KPNA6: variants seen among roughly 807,000 people sequenced by gnomAD.
KPNA6 encodes karyopherin subunit alpha 6, also known as importin subunit alpha-7.
A neutral mutation model predicts 72.0 loss-of-function variants in KPNA6; 9 were observed. That is an observed-to-expected ratio of 0.13 (90% CI 0.08 to 0.22). The LOEUF (loss-of-function observed/expected upper bound fraction) is 0.22, where lower values mean the gene tolerates loss of function less well. KPNA6 is among the 10% of genes least tolerant of loss of function. The pLI, the probability that KPNA6 is intolerant of heterozygous loss-of-function variation, is 1.00. For synonymous variants in KPNA6, 219 were observed against 242.1 expected (o/e 0.90, Z 0.89); for missense variants, 374 against 655.7 (o/e 0.57, Z 4.69).
chr1:32,148,993 T>C (rs1162684368), intron 1 of KPNA6, among the ~76,000 whole-genome samples: 1 of 152,104 alleles, frequency 6.6e-6, no homozygotes, highest in Non-Finnish European at 1.5e-5. Context: ...GTGCCGGCCA[T>C]ATTGGTCCTT....
chr1:32,148,541 TGTG>T (rs1201236343), intron 1 of KPNA6, among the ~76,000 whole-genome samples: 2 of 151,688 alleles, frequency 1.3e-5, no homozygotes, highest in African/African-American at 2.4e-5. Flanking sequence ...ACTCCCATAA[TGTG>T]GTGTATATTG....
At chr1:32,168,036 C>T (rs1360233256) in intron 12 of KPNA6, among the ~76,000 whole-genome samples, 3 of 152,012 alleles carry the variant, frequency 2.0e-5, no homozygotes, top group African/African-American at 4.8e-5. Context: ...GTTGTAGTGG[C>T]GTGTGCCCGT....
chr1:32,119,026 ATATATAT>A (rs1204650925), intron 1 of KPNA6, among the ~76,000 whole-genome samples: 2 of 69,414 alleles, frequency 2.9e-5, no homozygotes, highest in African/African-American at 1.7e-4. Context: ...ATATATATAT[ATATATAT>A]TTTTTTTTTT....
intron 11 of KPNA6, 101 bp downstream of exon 11, chr1:32,166,331 A>G: frequency 7.2e-7 from 1 of 1,398,100 alleles, no homozygotes; most frequent in South Asian, 1.4e-5. Flanking sequence ...TCCCTTTAAA[A>G]ATAGGAGTCA....
At chr1:32,147,609 C>G (rs982476140) in intron 1 of KPNA6, among the ~76,000 whole-genome samples, 1 of 144,010 alleles carries the variant, frequency 6.9e-6, no homozygotes, top group Admixed American at 7.0e-5. Context: ...CTTTTCGGCA[C>G]TTTCTTATTC....
At chr1:32,108,506 C>T (rs1009849962) in intron 1 of KPNA6, among the ~76,000 whole-genome samples, 1 of 152,218 alleles carries the variant, frequency 6.6e-6, no homozygotes, top group Non-Finnish European at 1.5e-5. Flanking sequence ...TAGCTTTCTC[C>T]TGGGTTGTGT....
At chr1:32,150,714 C>T (rs1475983368) in intron 1 of KPNA6, among the ~76,000 whole-genome samples, 1 of 151,988 alleles carries the variant, frequency 6.6e-6, no homozygotes. Flanking sequence ...GCAACTTCCA[C>T]CTCCCTGGTT....
chr1:32,168,408 T>A (rs1642377225), intron 12 of KPNA6, among the ~76,000 whole-genome samples: 1 of 152,200 alleles, frequency 6.6e-6, no homozygotes, highest in Admixed American at 6.5e-5. Flanking sequence ...CAGGCTGGTC[T>A]TGAACTCCTG....
intron 10 of KPNA6, among the ~76,000 whole-genome samples, chr1:32,163,635 A>C (rs1358283216): frequency 6.6e-6 from 1 of 152,204 alleles, no homozygotes; most frequent in Non-Finnish European, 1.5e-5. Context: ...CCTTTGAGAT[A>C]CTGAAAGCTA....
rs1364155375 is a variant in KPNA6, at chr1:32,172,222, C to T, written c.*1328C>T. The stretch of plus-strand genomic sequence containing the variant: ...GGTCCTTTTCCTCTCTGCTTGGATT[C>T]TGGACCACCACCTGGGACCAACCTT... On this transcript the variant is annotated 3_prime_UTR_variant, in exon 14 of 14. Coordinates refer to ENST00000373625, the MANE Select transcript of KPNA6 (RefSeq NM_012316.5). 6.6e-6 allele frequency: 1 copy of T among 152,080 alleles called. No homozygotes were observed. The highest frequency in any genetic ancestry group is 1.5e-5 in the Non-Finnish European group (1 of 68,024). The allele number at this position is 152,080 out of a possible 1,614,324, so 9.4% of individuals were successfully genotyped here. A position where few individuals can be genotyped will look rare whatever the true frequency, so the allele number is the denominator to read the frequency against.
At chr1:32,141,232 A>AAAATGTTT (rs1343977094) in intron 1 of KPNA6, among the ~76,000 whole-genome samples, 1 of 152,036 alleles carries the variant, frequency 6.6e-6, no homozygotes, top group Non-Finnish European at 1.5e-5. Context: ...GCCTGAGTTT[A>AAAATGTTT]AAATGTTTAT....
At chr1:32,149,240 T>C (rs967858618) in intron 1 of KPNA6, among the ~76,000 whole-genome samples, 12 of 152,132 alleles carry the variant, frequency 7.9e-5, no homozygotes, top group African/African-American at 2.9e-4. Context: ...TTTATTGATA[T>C]TCTCATTTTA....
intron 8 of KPNA6, 118 bp downstream of exon 8, chr1:32,162,164 A>G: frequency 1.1e-6 from 1 of 937,496 alleles, no homozygotes; most frequent in Admixed American, 2.2e-5. Flanking sequence ...AGCAATTGTT[A>G]GTGAAGTAGA....
intron 1 of KPNA6, among the ~76,000 whole-genome samples, chr1:32,149,467 C>T (rs886716087): frequency 5.3e-5 from 8 of 152,252 alleles, no homozygotes; most frequent in South Asian, 2.1e-4. Flanking sequence ...CTCAGGCAGT[C>T]CTATCATCTT....
At chr1:32,111,887 G>T (rs1169566331) in intron 1 of KPNA6, among the ~76,000 whole-genome samples, 3 of 152,114 alleles carry the variant, frequency 2.0e-5, no homozygotes, top group African/African-American at 7.2e-5. Flanking sequence ...GCTTTATTCT[G>T]ACCCTCTAGC....
chr1:32,129,169 CTT>C (rs568094887), intron 1 of KPNA6, among the ~76,000 whole-genome samples: 5 of 129,736 alleles, frequency 3.9e-5, no homozygotes, highest in Admixed American at 8.2e-5. Flanking sequence ...TTTTTTCTTT[CTT>C]TTTTTTTTTT....
chr1:32,130,720 A>G (rs1245555330), intron 1 of KPNA6, among the ~76,000 whole-genome samples: 1 of 151,786 alleles, frequency 6.6e-6, no homozygotes, highest in Non-Finnish European at 1.5e-5. Flanking sequence ...CCAAGATGGC[A>G]CCACTGCACT....
At chr1:32,130,078 A>G (rs892652946) in intron 1 of KPNA6, among the ~76,000 whole-genome samples, 3 of 152,122 alleles carry the variant, frequency 2.0e-5, no homozygotes, top group African/African-American at 7.2e-5. Flanking sequence ...TAATAATCAA[A>G]TCCTTACTAA....
chr1:32,117,928 T>C (rs978795594), intron 1 of KPNA6, among the ~76,000 whole-genome samples: 2 of 151,918 alleles, frequency 1.3e-5, no homozygotes, highest in African/African-American at 4.8e-5. Flanking sequence ...TTTTCTTTTC[T>C]TTTTTTTAAT....
Sources: allele counts gnomAD v4.1 joint callset (sites outside exome capture counted in the v4.1 genomes callset), GRCh38; gene constraint gnomAD v4.1.1; transcripts MANE v1.5; gene names NCBI Gene and HGNC (gene_info 2026-07-23, HGNC 2026-07-21).